Variants in MCUB observed in about 807,000 individuals in gnomAD.
MCUB encodes the protein calcium uniporter regulatory subunit MCUb, mitochondrial.
In MCUB, 46 loss-of-function variants were observed where a neutral mutation model predicts 41.4. The ratio of observed to expected loss-of-function variants is 1.11; its 90% CI spans 0.88 to 1.42. MCUB has a LOEUF of 1.42. Ranked by LOEUF, MCUB falls within the 40% of genes most tolerant of loss-of-function variation. The pLI, the probability that MCUB is intolerant of heterozygous loss-of-function variation, is 0.00. For missense variants in MCUB, 403 were observed against 404.9 expected (o/e 1.00, Z 0.04); for synonymous variants, 148 against 148.2 (o/e 1.00, Z 0.01).
At chr4:109,568,781 C>T (rs1726841182) in intron 1 of MCUB, among the ~76,000 whole-genome samples, 1 of 152,208 alleles carries the variant, frequency 6.6e-6, no homozygotes, top group African/African-American at 2.4e-5. Context: ...GGAACTGTTT[C>T]TTCTCCATCT....
intron 3 of MCUB, among the ~76,000 whole-genome samples, chr4:109,663,330 GATTAC>G (rs1729268514): frequency 6.6e-6 from 1 of 152,146 alleles, no homozygotes; most frequent in Non-Finnish European, 1.5e-5. Context: ...TTAACACCTG[GATTAC>G]ATTAAAGTTT....
At chr4:109,572,057 G>A (rs1726927484) in intron 1 of MCUB, among the ~76,000 whole-genome samples, 1 of 152,206 alleles carries the variant, frequency 6.6e-6, no homozygotes, top group Admixed American at 6.5e-5. Context: ...ACACTATTGA[G>A]CCTCACTTAT....
At chr4:109,598,040 G>A (rs553679968) in intron 1 of MCUB, among the ~76,000 whole-genome samples, 28 of 151,474 alleles carry the variant, frequency 1.8e-4, no homozygotes, top group African/African-American at 6.5e-4. Flanking sequence ...ATGGGATGGC[G>A]GCCGGGAAGA....
chr4:109,609,251 T>A (rs988461845), intron 1 of MCUB, among the ~76,000 whole-genome samples: 1 of 152,136 alleles, frequency 6.6e-6, no homozygotes, highest in African/African-American at 2.4e-5. Context: ...GAATAAAGAG[T>A]GGCTACTCCA....
chr4:109,613,850 A>C (rs146941819), intron 1 of MCUB, among the ~76,000 whole-genome samples: 1 of 67,874 alleles, frequency 1.5e-5, no homozygotes, highest in South Asian at 5.4e-4. Flanking sequence ...TCAGGTATAT[A>C]CTCTCCATTT....
chr4:109,680,962 G>A (rs1243212152), intron 4 of MCUB, among the ~76,000 whole-genome samples: 1 of 152,166 alleles, frequency 6.6e-6, no homozygotes, highest in Non-Finnish European at 1.5e-5. Context: ...TAAACCCATG[G>A]AGGAGGTGGG....
At chr4:109,638,442 A>G (rs1728643482) in intron 1 of MCUB, among the ~76,000 whole-genome samples, 3 of 151,424 alleles carry the variant, frequency 2.0e-5, no homozygotes, top group Non-Finnish European at 2.9e-5. Context: ...ATACATTAAG[A>G]TACTTTATTG....
chr4:109,578,748 C>T (rs1184011978), intron 1 of MCUB, among the ~76,000 whole-genome samples: 1 of 152,164 alleles, frequency 6.6e-6, no homozygotes, highest in Non-Finnish European at 1.5e-5. Flanking sequence ...GCAAGTGCTT[C>T]TCCTGCCTCG....
At chr4:109,639,344 G>A (rs1728666379) in intron 1 of MCUB, among the ~76,000 whole-genome samples, 1 of 147,806 alleles carries the variant, frequency 6.8e-6, no homozygotes. Flanking sequence ...TATTTTGAAA[G>A]GAATCCTTTT....
intron 1 of MCUB, among the ~76,000 whole-genome samples, chr4:109,599,990 T>G (rs745995949): frequency 2.0e-5 from 3 of 152,114 alleles, no homozygotes. Context: ...GAGTCTGAAG[T>G]GTTGTATGTT....
intron 1 of MCUB, among the ~76,000 whole-genome samples, chr4:109,565,176 G>A (rs754058095): frequency 6.6e-6 from 1 of 152,150 alleles, no homozygotes; most frequent in Non-Finnish European, 1.5e-5. Context: ...GAAAATGAAG[G>A]TAGAGAAGAT....
chr4:109,582,258 T>G (rs571349833), intron 1 of MCUB, among the ~76,000 whole-genome samples: 2 of 151,590 alleles, frequency 1.3e-5, no homozygotes, highest in Non-Finnish European at 2.9e-5. Context: ...ACCATCATTC[T>G]CAGCAAACTA....
At chr4:109,647,778 C>T (rs933840393) in intron 1 of MCUB, among the ~76,000 whole-genome samples, 10 of 152,154 alleles carry the variant, frequency 6.6e-5, no homozygotes, top group Non-Finnish European at 1.3e-4. Context: ...TAGGAGCCCC[C>T]ACCCTTTTAA....
intron 1 of MCUB, among the ~76,000 whole-genome samples, chr4:109,588,885 G>A (rs1308599806): frequency 6.6e-6 from 1 of 152,038 alleles, no homozygotes. Context: ...AAGAATGATT[G>A]ATAAAAAGGA....
At chr4:109,601,161 A>C (rs1727724695) in intron 1 of MCUB, among the ~76,000 whole-genome samples, 2 of 152,176 alleles carry the variant, frequency 1.3e-5, no homozygotes, top group South Asian at 4.1e-4. Flanking sequence ...GTATATATTT[A>C]TGGGGTACAT....
chr4:109,610,358 G>A (rs1013969476), intron 1 of MCUB, among the ~76,000 whole-genome samples: 12 of 152,152 alleles, frequency 7.9e-5, no homozygotes, highest in African/African-American at 2.7e-4. Flanking sequence ...TGGAGGTTGG[G>A]GAGGATCCGT....
At chr4:109,565,838 CTT>C (rs34317769) in intron 1 of MCUB, among the ~76,000 whole-genome samples, 18,893 of 134,712 alleles carry the variant, frequency 0.14, 1,295 homozygotes, top group Middle Eastern at 0.22. Flanking sequence ...ATTTTCATTT[CTT>C]TTTTTTTTTT....
intron 1 of MCUB, among the ~76,000 whole-genome samples, chr4:109,603,569 G>T (rs1182934652): frequency 3.3e-5 from 5 of 151,682 alleles, no homozygotes. Context: ...CGTCTGGGAG[G>T]TGAGGAGCGT....
At chr4:109,648,555 T>C (rs1437175671) in intron 1 of MCUB, 2 of 415,868 alleles carry the variant, frequency 4.8e-6, no homozygotes. Flanking sequence ...TTCACAGTGA[T>C]GATTCATGTA....
Sources: gnomAD v4.1 joint callset for allele counts (sites outside exome capture counted in the v4.1 genomes callset) on GRCh38, gnomAD v4.1.1 for gene constraint, MANE v1.5 for transcripts, NCBI Gene and HGNC (gene_info 2026-07-23, HGNC 2026-07-21) for gene names.